Variants in ABCA13 observed in about 807,000 individuals in gnomAD.
ABCA13 encodes the protein ATP binding cassette subfamily A member 13, also known as ATP-binding cassette sub-family A member 13.
Under a neutral mutation model 478.7 loss-of-function variants are expected in ABCA13, and 476 were observed. That is an observed-to-expected ratio of 0.99 (90% CI 0.92 to 1.07). The LOEUF (loss-of-function observed/expected upper bound fraction) is 1.07. Ranked by LOEUF, ABCA13 falls within the 50% of genes least tolerant of loss-of-function variation. The probability of loss-of-function intolerance (pLI) is 0.00; values close to 1 mark genes in which losing one functional copy is unlikely to be tolerated. For missense variants in ABCA13, 6,060 were observed against 5,910.6 expected, an observed-to-expected ratio of 1.03 and a Z score of -0.83; for synonymous variants, 2,252 against 2,158.9, an observed-to-expected ratio of 1.04 and a Z score of -1.20.
intron 57 of ABCA13, among the ~76,000 whole-genome samples, chr7:48,588,264 A>G (rs1283103609): frequency 6.6e-6 from 1 of 152,234 alleles, no homozygotes; most frequent in Non-Finnish European, 1.5e-5. Flanking sequence ...ATCTGATAAT[A>G]AAAACTACCA....
At chr7:48,461,109 A>C (rs1268715885) in intron 43 of ABCA13, among the ~76,000 whole-genome samples, 1 of 152,224 alleles carries the variant, frequency 6.6e-6, no homozygotes, top group East Asian at 1.9e-4. Context: ...ATATAATGAA[A>C]GTTATTTTTC....
chr7:48,229,708 C>A, intron 6 of ABCA13, 117 bp from the exon 7 acceptor site: 1 of 1,211,714 alleles, frequency 8.3e-7, no homozygotes, highest in Non-Finnish European at 1.2e-6. Context: ...ATGGTCCAGC[C>A]ACATCTTGCA....
At chr7:48,224,750 G>T (rs1787902867) in intron 5 of ABCA13, among the ~76,000 whole-genome samples, 1 of 152,168 alleles carries the variant, frequency 6.6e-6, no homozygotes, top group African/African-American at 2.4e-5. Context: ...TACAGGCAGT[G>T]ATGTTGTTCA....
Position 48,276,138 on chromosome 7 carries a change from A to G in ABCA13, c.6472A>G (p.Ile2158Val). Residue 2158 changes from isoleucine (I) to valine (V), a missense_variant, in exon 17 of 62, where the codon ATA becomes GTA. Transcript: ENST00000435803. ...PVTNESSTED[I>V]ALLAKAIATF... ...GACCAATGAGAGTTCAACTGAAGAT[A>G]TAGCTTTGTTAGCCAAAGCTATTGC... is the stretch of plus-strand genomic sequence containing the variant. 6.3e-7 allele frequency: 1 copy of G among 1,597,408 alleles called. No individual in the cohort carries two copies. Among genetic ancestry groups the G allele is most frequent in the Non-Finnish European group, 8.5e-7 (1 of 1,171,320 alleles).
chr7:48,640,243 G>A (rs909589533), intron 59 of ABCA13, among the ~76,000 whole-genome samples: 2 of 152,116 alleles, frequency 1.3e-5, no homozygotes, highest in African/African-American at 4.8e-5. Context: ...ACTTTTATAA[G>A]GGGAGCCTTA....
rs1034734340 is a variant in ABCA13, at chr7:48,423,302, G to A, written c.12460-4464G>A. Among the ~76,000 whole-genome samples the A allele has an allele frequency of 2.0e-5, 3 of 152,310 alleles. No individual in the cohort carries two copies. In the East Asian group the frequency reaches 5.8e-4, roughly 29 times the overall value. ...AAGAGTACATCTTATGTGACATGTA[G>A]GTCAAGTTTGGAAATTCTTCCTCTG... On this transcript the variant is annotated intron_variant, in intron 41 of 61. Transcript: ENST00000435803.
In ABCA13 at chr7:48,580,246, G is replaced by T. The variant is rs1788583690; in HGVS notation, c.14377G>T (p.Ala4793Ser). ...CAGAGACGCCGTGGACCTGTCTTCT[G>T]CTGGCACGGCAGGCGTGCTCATTGG... ...PMGDAVDLSS[A>S]GTAGVLIGYC... The change falls in exon 56 of 62, where the codon GCT (alanine) becomes TCT (serine). Residue 4793 changes from alanine to serine, a missense_variant. Around this residue, in one of 3 missense-constraint regions of ABCA13, gnomAD observed 1,627 missense variants for 1,571.0 expected, o/e 1.04. Coordinates refer to ENST00000435803, the MANE Select transcript of ABCA13 (RefSeq NM_152701.5). 2.5e-6 allele frequency: 4 copies of T among 1,611,006 alleles called. No individual in the cohort carries two copies. The highest frequency in any genetic ancestry group is 3.4e-6 in the Non-Finnish European group (4 of 1,178,756).
chr7:48,588,719 C>G (rs981219865), intron 57 of ABCA13, among the ~76,000 whole-genome samples: 2 of 152,148 alleles, frequency 1.3e-5, no homozygotes, highest in Non-Finnish European at 2.9e-5. Context: ...AGCATATAGC[C>G]CAGTGTCTAG....
chr7:48,215,611 A>C (rs1562796299), intron 3 of ABCA13, among the ~76,000 whole-genome samples: 1 of 152,198 alleles, frequency 6.6e-6, no homozygotes, highest in Non-Finnish European at 1.5e-5. Context: ...AAAGCGAAGC[A>C]TAATAAAACA....
chr7:48,296,004 A>G (rs1295949070), intron 21 of ABCA13, 141 bp downstream of exon 21: 1 of 1,133,098 alleles, frequency 8.8e-7, no homozygotes, highest in Non-Finnish European at 1.2e-6. Context: ...TTTTCCAAAC[A>G]TCAAAGTTTT....
chr7:48,363,211 T>C (rs1811162764), intron 31 of ABCA13, among the ~76,000 whole-genome samples: 1 of 152,138 alleles, frequency 6.6e-6, no homozygotes, highest in Admixed American at 6.6e-5. Flanking sequence ...CTTTGTAGCA[T>C]TTATATTTGA....
chr7:48,626,525 A>T (rs1793685709), intron 59 of ABCA13: 3 of 795,148 alleles, frequency 3.8e-6, no homozygotes, highest in Admixed American at 6.2e-5. Flanking sequence ...AAGGCAAAAT[A>T]ATGGAGGAAC....
intron 31 of ABCA13, among the ~76,000 whole-genome samples, chr7:48,361,109 A>G (rs1323504226): frequency 5.3e-5 from 8 of 151,588 alleles, no homozygotes; most frequent in Admixed American, 5.2e-4. Context: ...AAAAAAAAAA[A>G]AGACAAGAAA....
rs529853374 is a variant in ABCA13, at chr7:48,449,548, G to A, written c.12566-5489G>A. Reference sequence around the variant, plus strand: ...AGGGTTAGCCAGGGCTGGAATTCAGGCATCCTGATGCTAGAGTGTGTGACT... The same window carrying A: ...AGGGTTAGCCAGGGCTGGAATTCAGACATCCTGATGCTAGAGTGTGTGACT... On this transcript the variant is annotated intron_variant, in intron 42 of 61. Transcript: ENST00000435803. Among the ~76,000 whole-genome samples, 6 of 152,304 alleles carry A rather than the reference G, an allele frequency of 3.9e-5. No homozygotes were observed. In the East Asian group the frequency reaches 1.2e-3, roughly 29 times the overall value.
At chr7:48,606,019 T>G (rs970148429) in intron 58 of ABCA13, among the ~76,000 whole-genome samples, 2 of 152,252 alleles carry the variant, frequency 1.3e-5, no homozygotes, top group Non-Finnish European at 2.9e-5. Context: ...GTGATACTTG[T>G]GCATGCTTCA....
chr7:48,319,002 A>G (rs1172836226), intron 27 of ABCA13, among the ~76,000 whole-genome samples: 1 of 152,200 alleles, frequency 6.6e-6, no homozygotes, highest in Non-Finnish European at 1.5e-5. Context: ...TGAAGAAATA[A>G]GTTAGATATA....
intron 59 of ABCA13, among the ~76,000 whole-genome samples, chr7:48,640,694 G>A (rs879465886): frequency 4.0e-5 from 6 of 151,724 alleles, no homozygotes; most frequent in Non-Finnish European, 8.8e-5. Context: ...AATCCTTCAG[G>A]GAATTTAGAT....
intron 3 of ABCA13, among the ~76,000 whole-genome samples, chr7:48,215,667 TGG>T (rs1221118024): frequency 6.6e-6 from 1 of 152,210 alleles, no homozygotes; most frequent in East Asian, 1.9e-4. Flanking sequence ...TATTCAGAGC[TGG>T]GCAACCATCA....
intron 3 of ABCA13, among the ~76,000 whole-genome samples, chr7:48,212,355 A>G (rs1407975786): frequency 1.3e-5 from 2 of 152,202 alleles, no homozygotes; most frequent in African/African-American, 4.8e-5. Context: ...TGTCCTTTCT[A>G]TCTTCTTCAG....
Sources: allele counts gnomAD v4.1 joint callset (sites outside exome capture counted in the v4.1 genomes callset), GRCh38; gene constraint gnomAD v4.1.1; regional missense constraint gnomAD v4.1.1; transcripts MANE v1.5; gene names NCBI Gene and HGNC (gene_info 2026-07-23, HGNC 2026-07-21).